The following SDK1 variants were observed in gnomAD, a reference collection of about 807,000 sequenced individuals.
SDK1 encodes the protein protein sidekick-1.
A neutral mutation model predicts 245.5 loss-of-function variants in SDK1; 157 were observed. The observed-to-expected ratio is 0.64, with a 90% CI of 0.56 to 0.73. The LOEUF is 0.73. SDK1 is among the 30% of genes least tolerant of loss of function. SDK1 has a pLI of 0.00. For missense variants in SDK1, 3,583 were observed against 3,002.3 expected, an observed-to-expected ratio of 1.19 and a Z score of -4.52; for synonymous variants, 1,647 against 1,278.5, an observed-to-expected ratio of 1.29 and a Z score of -6.15.
intron 20 of SDK1, among the ~76,000 whole-genome samples, chr7:4,068,521 G>T (rs1460704686): frequency 6.6e-6 from 1 of 151,996 alleles, no homozygotes; most frequent in Non-Finnish European, 1.5e-5. Flanking sequence ...CAGATCCCAT[G>T]TTCTGTCCCC....
chr7:4,209,378 G>A (rs532070958), intron 37 of SDK1, among the ~76,000 whole-genome samples: 8 of 152,306 alleles, frequency 5.3e-5, no homozygotes, highest in African/African-American at 1.7e-4. Flanking sequence ...CTGTCTGGTA[G>A]GGGCAGCCCC....
intron 22 of SDK1, among the ~76,000 whole-genome samples, chr7:4,099,710 G>C (rs1468570969): frequency 6.9e-6 from 1 of 145,906 alleles, no homozygotes; most frequent in Non-Finnish European, 1.5e-5. Flanking sequence ...GGAAGTGGTG[G>C]CTAATGCACC....
intron 1 of SDK1, among the ~76,000 whole-genome samples, chr7:3,464,108 C>T (rs928792113): frequency 3.3e-5 from 5 of 152,190 alleles, no homozygotes; most frequent in African/African-American, 9.7e-5. Flanking sequence ...TAAAAATACG[C>T]AGTTATTTCT....
Position 3,794,943 on chromosome 7 carries a change from A to G in SDK1, c.714-26507A>G, listed in dbSNP as rs974317232. On this transcript the variant is annotated intron_variant, in intron 4 of 44. Transcript: ENST00000404826. ...TAATGAGCTTTTTATTTAAAAAAAA[A>G]AAGATCACTATTCATGTTGTTGTTA... Among the ~76,000 whole-genome samples, 20 of 152,116 alleles carry G rather than the reference A, an allele frequency of 1.3e-4. 1 individual carries two copies. The highest frequency in any genetic ancestry group is 8.8e-5 in the Non-Finnish European group (6 of 68,020).
intron 19 of SDK1, among the ~76,000 whole-genome samples, chr7:4,058,149 A>G (rs889529780): frequency 2.6e-5 from 4 of 152,190 alleles, no homozygotes; most frequent in African/African-American, 9.6e-5. Flanking sequence ...ATAATACAAA[A>G]TAATCCAAAA....
chr7:3,512,835 GAAATCTTTTTCTGTTT>G (rs1275126323), intron 1 of SDK1, among the ~76,000 whole-genome samples: 1 of 152,068 alleles, frequency 6.6e-6, no homozygotes, highest in South Asian at 2.1e-4. Context: ...ACGTCACGAT[GAAATCTTTTTCTGTTT>G]TGTTAAAGTG....
intron 4 of SDK1, among the ~76,000 whole-genome samples, chr7:3,645,406 C>G (rs768999370): frequency 5.3e-5 from 8 of 152,154 alleles, no homozygotes; most frequent in Non-Finnish European, 4.4e-5. Context: ...CATCATCACC[C>G]CAAGTCTATT....
chr7:4,142,805 C>T (rs1779666479), intron 28 of SDK1, among the ~76,000 whole-genome samples: 2 of 152,154 alleles, frequency 1.3e-5, no homozygotes, highest in East Asian at 1.9e-4. Context: ...ATTTTTGAGC[C>T]ATGTGAATGT....
intron 5 of SDK1, among the ~76,000 whole-genome samples, chr7:3,903,370 T>G (rs1781857873): frequency 6.6e-6 from 1 of 152,084 alleles, no homozygotes; most frequent in African/African-American, 2.4e-5. Context: ...GTCTCGATCA[T>G]CTGCTGACCT....
At chr7:3,532,156 C>T (rs1393488478) in intron 1 of SDK1, among the ~76,000 whole-genome samples, 2 of 152,132 alleles carry the variant, frequency 1.3e-5, no homozygotes, top group Non-Finnish European at 2.9e-5. Context: ...GATCTGTTTT[C>T]TGGCTCAGGA....
chr7:3,813,527 T>C (rs1779436662), intron 4 of SDK1, among the ~76,000 whole-genome samples: 1 of 148,962 alleles, frequency 6.7e-6, no homozygotes, highest in African/African-American at 2.5e-5. Flanking sequence ...GACATTTGGG[T>C]TGGTTCCAAG....
chr7:3,481,904 G>T (rs552087336), intron 1 of SDK1, among the ~76,000 whole-genome samples: 2 of 152,256 alleles, frequency 1.3e-5, no homozygotes, highest in South Asian at 4.1e-4. Flanking sequence ...GACTGATACA[G>T]TGAGAAAGGA....
chr7:3,362,612 C>T (rs1398598267), intron 1 of SDK1, among the ~76,000 whole-genome samples: 1 of 151,952 alleles, frequency 6.6e-6, no homozygotes, highest in African/African-American at 2.4e-5. Flanking sequence ...AAGAAATGTA[C>T]AAGATTTAAA....
intron 1 of SDK1, among the ~76,000 whole-genome samples, chr7:3,466,984 AC>A: frequency 1.8e-5 from 1 of 56,148 alleles, no homozygotes; most frequent in African/African-American, 6.2e-5. Context: ...CTCTCTACAC[AC>A]ACACACACAC....
intron 1 of SDK1, among the ~76,000 whole-genome samples, chr7:3,412,309 A>G (rs1779232740): frequency 6.6e-6 from 1 of 152,058 alleles, no homozygotes. Context: ...CATGTATACT[A>G]TTTCTCTTCC....
chr7:3,985,178 A>G (rs545106496), intron 13 of SDK1, among the ~76,000 whole-genome samples: 1 of 152,372 alleles, frequency 6.6e-6, no homozygotes, highest in African/African-American at 2.4e-5. Context: ...AAGAAGCATA[A>G]GCTCAGCTGT....
chr7:3,623,116 C>G (rs1160160362), intron 2 of SDK1, among the ~76,000 whole-genome samples: 3 of 152,056 alleles, frequency 2.0e-5, no homozygotes, highest in Non-Finnish European at 4.4e-5. Context: ...ACTTTGGTGT[C>G]AGTTATGAAA....
chr7:3,888,990 A>T (rs547363423), intron 5 of SDK1, among the ~76,000 whole-genome samples: 1 of 152,154 alleles, frequency 6.6e-6, no homozygotes, highest in Admixed American at 6.5e-5. Flanking sequence ...TTTTGTTGCT[A>T]TTGAGTTTTT....
At chr7:4,186,357 C>T (rs906472367) in intron 35 of SDK1, among the ~76,000 whole-genome samples, 2 of 152,206 alleles carry the variant, frequency 1.3e-5, no homozygotes, top group African/African-American at 4.8e-5. Context: ...ACACCCACCC[C>T]GGCTGCTGGG....
Sources: allele counts gnomAD v4.1 joint callset (sites outside exome capture counted in the v4.1 genomes callset), GRCh38; gene constraint gnomAD v4.1.1; transcripts MANE v1.5; gene names NCBI Gene and HGNC (gene_info 2026-07-23, HGNC 2026-07-21).